Variants in ACAA2 observed in about 807,000 individuals in gnomAD.
ACAA2 encodes the protein 3-ketoacyl-CoA thiolase, mitochondrial.
A neutral mutation model predicts 44.8 loss-of-function variants in ACAA2; 35 were observed. That is an observed-to-expected ratio of 0.78 (90% confidence interval 0.60 to 1.04). The LOEUF is 1.04. Among genes scored for constraint, ACAA2 ranks in the 50% least tolerant of loss-of-function variants. ACAA2 has a pLI of 0.00. For missense variants in ACAA2, 468 were observed against 482.6 expected (o/e 0.97, Z 0.28); for synonymous variants, 142 against 166.5 (o/e 0.85, Z 1.13).
Position 49,783,594 on chromosome 18 carries a change from AATGTCTTCTATAGTT to A in ACAA2, c.*238_*252del. 1 of 356,702 alleles carries A rather than the reference AATGTCTTCTATAGTT, an allele frequency of 2.8e-6. No individual in the cohort carries two copies. Among genetic ancestry groups the A allele is most frequent in the East Asian group, 4.3e-5 (1 of 23,310 alleles). The allele number at this position is 356,702 out of a possible 1,614,324, so 22.1% of individuals were successfully genotyped here. A position where few individuals can be genotyped will look rare whatever the true frequency, so the allele number is the denominator to read the frequency against. On this transcript the variant is annotated 3_prime_UTR_variant, in exon 10 of 10. Coordinates refer to ENST00000285093, the MANE Select transcript of ACAA2 (RefSeq NM_006111.3). ...ACTTGGCAAGAATACGATTTCTTTT[AATGTCTTCTATAGTT>A]GAGTTTTAGCTCAGAAATACATCAT... is the stretch of plus-strand genomic sequence containing the variant.
chr18:49,792,057 A>T (rs1005627737), intron 6 of ACAA2, 95 bp downstream of exon 6: 3 of 999,874 alleles, frequency 3.0e-6, no homozygotes, highest in African/African-American at 3.2e-5. Flanking sequence ...TAAACAACTA[A>T]AGACTGGCAT....
At chr18:49,809,583 G>C (rs1340818762) in intron 1 of ACAA2, among the ~76,000 whole-genome samples, 3 of 152,168 alleles carry the variant, frequency 2.0e-5, no homozygotes, top group Non-Finnish European at 2.9e-5. Flanking sequence ...TAAAAGGAAG[G>C]AATCTTAAAT....
At chr18:49,800,131 GGGGT>G (rs2023523626) in intron 2 of ACAA2, among the ~76,000 whole-genome samples, 1 of 31,820 alleles carries the variant, frequency 3.1e-5, no homozygotes, top group Non-Finnish European at 7.0e-5. Flanking sequence ...GAGGGAGGTG[GGGGT>G]CAGCCCCCGG....
intron 1 of ACAA2, among the ~76,000 whole-genome samples, chr18:49,810,520 G>A (rs1007881453): frequency 2.6e-5 from 4 of 151,976 alleles, no homozygotes; most frequent in African/African-American, 7.3e-5. Flanking sequence ...AAAGGAAAGG[G>A]TGTGCATGGG....
At chr18:49,790,771 AT>A (rs2023388763) in intron 7 of ACAA2, among the ~76,000 whole-genome samples, 1 of 152,228 alleles carries the variant, frequency 6.6e-6, no homozygotes, top group African/African-American at 2.4e-5. Flanking sequence ...ATACATGTTT[AT>A]GGACTTCCAA....
chr18:49,807,929 C>G (rs1397184467), intron 1 of ACAA2, among the ~76,000 whole-genome samples: 1 of 150,650 alleles, frequency 6.6e-6, no homozygotes, highest in Admixed American at 6.6e-5. Flanking sequence ...AAACACCTAA[C>G]TGATAAGGGA....
chr18:49,791,774 A>G (rs2023402601), intron 6 of ACAA2, among the ~76,000 whole-genome samples, 175 bp from the exon 7 acceptor site: 1 of 152,232 alleles, frequency 6.6e-6, no homozygotes, highest in South Asian at 2.1e-4. Context: ...TTTAAGGCAC[A>G]GAATACAACT....
chr18:49,805,240 T>A (rs559359438), intron 1 of ACAA2, among the ~76,000 whole-genome samples: 4 of 152,356 alleles, frequency 2.6e-5, no homozygotes, highest in African/African-American at 9.6e-5. Context: ...AGTATAATCT[T>A]CCAGTTTATG....
Position 49,792,258 on chromosome 18 carries a change from G to A in ACAA2, c.647C>T (p.Thr216Ile). Residue 216 changes from threonine (T) to isoleucine (I), a missense_variant, in exon 6 of 10, where the codon ACA becomes ATA. Coordinates refer to ENST00000285093, the MANE Select transcript of ACAA2 (RefSeq NM_006111.3). The stretch of plus-strand genomic sequence containing the variant: ...CCGAGCATGCTCGTCTACCTGCATT[G>A]TCTGTTTTCCTTTCTTTGTCTTCAC... ...IEVKTKKGKQ[T>I]MQVDEHARPQ... is the part of the protein sequence containing the mutation. 6.2e-7 allele frequency: 1 copy of A among 1,613,976 alleles called. No homozygotes were observed. Among genetic ancestry groups the A allele is most frequent in the South Asian group, 1.1e-5 (1 of 91,076 alleles).
At chr18:49,809,152 GC>G (rs1228023610) in intron 1 of ACAA2, among the ~76,000 whole-genome samples, 1 of 152,050 alleles carries the variant, frequency 6.6e-6, no homozygotes, top group Admixed American at 6.5e-5. Flanking sequence ...GGCTCCTACT[GC>G]CCGACCCCGC....
At chr18:49,811,292 T>G (rs1260713978) in intron 1 of ACAA2, 1 of 152,092 alleles carries the variant, frequency 6.6e-6, no homozygotes, top group Non-Finnish European at 1.5e-5. Flanking sequence ...AGGTAAATAT[T>G]CACTTAGAGC....
At chr18:49,809,111 G>A (rs569958028) in intron 1 of ACAA2, among the ~76,000 whole-genome samples, 6 of 152,216 alleles carry the variant, frequency 3.9e-5, no homozygotes, top group Admixed American at 1.3e-4. Context: ...TTGCATATCC[G>A]TTTATAGGCT....
intron 7 of ACAA2, among the ~76,000 whole-genome samples, chr18:49,789,473 A>G (rs538844185): frequency 2.6e-4 from 39 of 152,176 alleles, no homozygotes; most frequent in Admixed American, 4.6e-4. Flanking sequence ...AAAAATGACA[A>G]TCCTACCACA....
intron 6 of ACAA2, among the ~76,000 whole-genome samples, chr18:49,791,814 G>A (rs887098263): frequency 6.6e-6 from 1 of 151,838 alleles, no homozygotes; most frequent in Non-Finnish European, 1.5e-5. Context: ...AGGGTGTCAA[G>A]GAAAAACTTT....
chr18:49,793,199 T>G (rs974884754), intron 5 of ACAA2, among the ~76,000 whole-genome samples: 110 of 152,342 alleles, frequency 7.2e-4, no homozygotes, highest in African/African-American at 2.6e-3. Context: ...AATACAATTA[T>G]AAGTAAAACA....
Position 49,809,380 on chromosome 18 carries a change from T to C in ACAA2, c.16+4089A>G, listed in dbSNP as rs1395786167. 3.9e-5 allele frequency among the ~76,000 whole-genome samples: 6 copies of C among 152,188 alleles called. No individual in the cohort carries two copies. The East Asian group carries it at 9.6e-4, about 24-fold the overall frequency. On this transcript the variant is annotated intron_variant, in intron 1 of 9. Transcript: ENST00000285093. ...AGTAAGACAGGCGTTAAGAGTATTA[T>C]TAGGGAAGTGATAAATGTCCATGAA...
At chr18:49,787,984 G>A (rs1598790949) in intron 7 of ACAA2, among the ~76,000 whole-genome samples, 2 of 152,270 alleles carry the variant, frequency 1.3e-5, no homozygotes, top group African/African-American at 2.4e-5. Flanking sequence ...GGGAAACTAC[G>A]AGGCACTTCA....
chr18:49,793,797 T>A (rs2023433663), intron 5 of ACAA2, among the ~76,000 whole-genome samples: 1 of 152,238 alleles, frequency 6.6e-6, no homozygotes, highest in Non-Finnish European at 1.5e-5. Context: ...GGACTAGTTC[T>A]AAGTCTCTGA....
intron 3 of ACAA2, among the ~76,000 whole-genome samples, chr18:49,796,520 G>A (rs571491645): frequency 5.6e-4 from 85 of 152,238 alleles, no homozygotes; most frequent in African/African-American, 2.0e-3. Context: ...CTCTTATTTT[G>A]TTTGTAATAA....
Sources: allele counts gnomAD v4.1 joint callset (sites outside exome capture counted in the v4.1 genomes callset), GRCh38; gene constraint gnomAD v4.1.1; transcripts MANE v1.5; gene names NCBI Gene and HGNC (gene_info 2026-07-23, HGNC 2026-07-21).